TOX3: variants seen among roughly 807,000 people sequenced by gnomAD.
The protein encoded by TOX3 is CAG trinucleotide repeat-containing gene F9 protein.
TOX3 carries 22 observed loss-of-function variants against 64.3 expected under a neutral mutation model. The ratio of observed to expected loss-of-function variants is 0.34; its 90% CI spans 0.24 to 0.49. The LOEUF is 0.49. Ranked by LOEUF, TOX3 falls within the 20% of genes least tolerant of loss-of-function variation. The pLI, the probability that TOX3 is intolerant of heterozygous loss-of-function variation, is 0.99. For synonymous variants in TOX3, 291 were observed against 273.6 expected, an observed-to-expected ratio of 1.06 and a Z score of -0.63; for missense variants, 661 against 714.4, an observed-to-expected ratio of 0.93 and a Z score of 0.85.
chr16:52,480,112 G>A (rs974216270), intron 1 of TOX3, among the ~76,000 whole-genome samples: 10 of 152,138 alleles, frequency 6.6e-5, no homozygotes, highest in African/African-American at 2.4e-4. Context: ...TGCAACACCA[G>A]GGCCAGGCAC....
rs79239098 is a variant in TOX3 at position 52,500,837 on chromosome 16, C to T, written c.88-32263G>A. On this transcript the variant is annotated intron_variant, in intron 1 of 6. Coordinates refer to ENST00000219746, the MANE Select transcript of TOX3 (RefSeq NM_001080430.4). Reference sequence around the variant, plus strand: ...TGTTAAAATGTGAAAAATATGTGTGCCTAAGTCAGTAAAATATGCTACTAT... The same window carrying T: ...TGTTAAAATGTGAAAAATATGTGTGTCTAAGTCAGTAAAATATGCTACTAT... Among the ~76,000 whole-genome samples, 9 of 152,196 alleles carry T rather than the reference C, an allele frequency of 5.9e-5. No individual in the cohort carries two copies. In the East Asian group the frequency reaches 1.7e-3, roughly 29 times the overall value.
chr16:52,464,454 T>A (rs1263260076), intron 2 of TOX3, among the ~76,000 whole-genome samples: 4 of 152,224 alleles, frequency 2.6e-5, no homozygotes, highest in African/African-American at 9.6e-5. Context: ...ATTAGCAACA[T>A]CTGTCTTTGT....
intron 1 of TOX3, among the ~76,000 whole-genome samples, chr16:52,489,319 T>C (rs1002513199): frequency 3.3e-5 from 5 of 152,150 alleles, no homozygotes; most frequent in Admixed American, 2.6e-4. Flanking sequence ...TAACTATGTG[T>C]CCATCTCCAC....
At chr16:52,547,175 C>A (rs1047984113), upstream of TOX3, among the ~76,000 whole-genome samples, 1 of 144,144 alleles carries the variant, frequency 6.9e-6, no homozygotes, top group African/African-American at 2.5e-5. Flanking sequence ...CCTTCTCCCC[C>A]TCCTGCCTCA....
At chr16:52,442,038 A>G (rs1289638663) in intron 6 of TOX3, among the ~76,000 whole-genome samples, 1 of 152,218 alleles carries the variant, frequency 6.6e-6, no homozygotes, top group Non-Finnish European at 1.5e-5. Flanking sequence ...TTAAAGAAAA[A>G]AACACAAAGA....
chr16:52,542,610 G>A (rs1012148645), intron 1 of TOX3, among the ~76,000 whole-genome samples: 1 of 152,122 alleles, frequency 6.6e-6, no homozygotes, highest in Non-Finnish European at 1.5e-5. Context: ...CTACTTGGCC[G>A]CAAACCCTGT....
intron 1 of TOX3, among the ~76,000 whole-genome samples, chr16:52,525,685 A>T (rs1296347055): frequency 6.6e-6 from 1 of 152,140 alleles, no homozygotes; most frequent in Non-Finnish European, 1.5e-5. Flanking sequence ...AAGTGCGTGC[A>T]TGCCTGCGTA....
At chr16:52,502,399 T>G (rs146092203) in intron 1 of TOX3, among the ~76,000 whole-genome samples, 4 of 152,266 alleles carry the variant, frequency 2.6e-5, no homozygotes, top group African/African-American at 9.6e-5. Context: ...AAGTCAAACC[T>G]ACAAGAATGG....
chr16:52,445,774 G>C (rs1960144544), intron 5 of TOX3: 1 of 486,482 alleles, frequency 2.1e-6, no homozygotes, highest in Non-Finnish European at 3.6e-6. Context: ...ACCTTCCTCT[G>C]AATGGGTTCT....
chr16:52,524,671 C>T (rs1386697730), intron 1 of TOX3, among the ~76,000 whole-genome samples: 1 of 152,166 alleles, frequency 6.6e-6, no homozygotes, highest in Non-Finnish European at 1.5e-5. Context: ...CATCCCTCAC[C>T]CCAGTTTCAG....
rs61743755 is a variant in TOX3, at chr16:52,439,807, G to T, written c.1149C>A (p.Ile383=). Reference sequence around the variant, plus strand: ...GTCTCATGGTTAAGGGTTTGGGAGCGATTGACCTAGGGAGGGATTGCTGGA... The same window carrying T: ...GTCTCATGGTTAAGGGTTTGGGAGCTATTGACCTAGGGAGGGATTGCTGGA... The part of the protein sequence containing the change: ...QTLQQSLPRS[I]APKPLTMRLP... The change falls in exon 7 of 7, where the codon ATC becomes ATA. Residue 383 remains isoleucine, a synonymous_variant. Transcript: ENST00000219746. 1 of 1,613,794 alleles carries T rather than the reference G, an allele frequency of 6.2e-7. No individual in the cohort carries two copies. The highest frequency in any genetic ancestry group is 1.3e-5 in the African/African-American group (1 of 74,884).
chr16:52,472,266 C>G (rs1243028920), intron 1 of TOX3, among the ~76,000 whole-genome samples: 1 of 152,100 alleles, frequency 6.6e-6, no homozygotes, highest in Non-Finnish European at 1.5e-5. Context: ...GACGAATTTT[C>G]TACTTGGATG....
At chr16:52,544,494 C>T (rs1167329745) in intron 1 of TOX3, among the ~76,000 whole-genome samples, 1 of 152,094 alleles carries the variant, frequency 6.6e-6, no homozygotes, top group Admixed American at 6.5e-5. Context: ...AATTTGATTC[C>T]TACCAATATT....
In TOX3 at chr16:52,519,676, G is replaced by A. The variant is rs1233517427; in HGVS notation, c.87+26961C>T. ...TTACCAAGCAAGAAGTAGTAGAATG[G>A]GCTGGGCGCAGTCGCTCACACCTGT... On this transcript the variant is annotated intron_variant, in intron 1 of 6. Transcript: ENST00000219746. 3.3e-6 allele frequency: 4 copies of A among 1,195,550 alleles called. No individual in the cohort carries two copies. In the African/African-American group the frequency reaches 6.1e-5, roughly 18 times the overall value. The allele number at this position is 1,195,550 out of a possible 1,614,324, so 74.1% of individuals were successfully genotyped here.
At chr16:52,545,538 A>C (rs2151493532) in intron 1 of TOX3, among the ~76,000 whole-genome samples, 1 of 152,290 alleles carries the variant, frequency 6.6e-6, no homozygotes, top group Middle Eastern at 3.4e-3. Flanking sequence ...TTTGTTTAGC[A>C]CCTTTCTTTC....
At chr16:52,466,395 A>C (rs1189234297) in intron 2 of TOX3, among the ~76,000 whole-genome samples, 1 of 152,188 alleles carries the variant, frequency 6.6e-6, no homozygotes, top group Non-Finnish European at 1.5e-5. Flanking sequence ...TTTCAGGCAC[A>C]ATTTAGACTT....
Position 52,439,214 on chromosome 16 carries a change from C to T in TOX3, c.*11G>A. ...CCTTGGTATACGCAAATCCGTCTGCCATATGCGTCTTCAGAAAATACTGAC... is the reference window on the plus strand; with the variant it reads ...CCTTGGTATACGCAAATCCGTCTGCTATATGCGTCTTCAGAAAATACTGAC... On this transcript the variant is annotated 3_prime_UTR_variant, in exon 7 of 7. Coordinates refer to ENST00000219746, the MANE Select transcript of TOX3 (RefSeq NM_001080430.4). The T allele has an allele frequency of 1.2e-6, 2 of 1,613,790 alleles. No homozygotes were observed. The highest frequency in any genetic ancestry group is 1.7e-6 in the Non-Finnish European group (2 of 1,179,794).
At chr16:52,482,313 T>C (rs1350351131) in intron 1 of TOX3, among the ~76,000 whole-genome samples, 2 of 152,210 alleles carry the variant, frequency 1.3e-5, no homozygotes, top group Non-Finnish European at 2.9e-5. Context: ...CATTTAAGAT[T>C]ACCTTAACAT....
chr16:52,522,942 G>T (rs889328549), intron 1 of TOX3, among the ~76,000 whole-genome samples: 2 of 152,182 alleles, frequency 1.3e-5, no homozygotes, highest in African/African-American at 4.8e-5. Context: ...GCACAGTCCT[G>T]GACACTGGAG....
Sources: allele counts gnomAD v4.1 joint callset (sites outside exome capture counted in the v4.1 genomes callset), GRCh38; gene constraint gnomAD v4.1.1; transcripts MANE v1.5; gene names NCBI Gene and HGNC (gene_info 2026-07-23, HGNC 2026-07-21).